RNLS: variants seen among roughly 807,000 people sequenced by gnomAD.
RNLS encodes the protein renalase, FAD dependent amine oxidase.
RNLS carries 39 observed loss-of-function variants against 39.8 expected under a neutral mutation model. That is an observed-to-expected ratio of 0.98 (90% CI 0.76 to 1.28). RNLS has a LOEUF of 1.28. Ranked by LOEUF, RNLS falls within the 50% of genes most tolerant of loss-of-function variation. The pLI, the probability that RNLS is intolerant of heterozygous loss-of-function variation, is 0.00. For missense variants in RNLS, 410 were observed against 413.3 expected, an observed-to-expected ratio of 0.99 and a Z score of 0.07; for synonymous variants, 147 against 150.7, an observed-to-expected ratio of 0.98 and a Z score of 0.18.
At chr10:88,263,475 C>A in the RNLS span, among the ~76,000 whole-genome samples, 1 of 152,160 alleles carries the variant, frequency 6.6e-6, no homozygotes, top group Non-Finnish European at 1.5e-5. Flanking sequence ...GATAATGAGG[C>A]TGTAGCTTCA....
At chr10:88,279,039 C>T (rs887172993) in intron 6 of RNLS, among the ~76,000 whole-genome samples, 4 of 152,120 alleles carry the variant, frequency 2.6e-5, no homozygotes, top group African/African-American at 9.7e-5. Context: ...AGTAAGTACA[C>T]ATGGGGTAAG....
chr10:88,572,863 C>T (rs1849925532), intron 4 of RNLS, 40 bp downstream of exon 4: 19 of 1,599,488 alleles, frequency 1.2e-5, no homozygotes, highest in Non-Finnish European at 1.6e-5. Flanking sequence ...CAAAAGAAAT[C>T]CCATTCCCTG....
chr10:88,513,442 T>C (rs1412478122), intron 4 of RNLS, among the ~76,000 whole-genome samples: 2 of 152,132 alleles, frequency 1.3e-5, no homozygotes, highest in African/African-American at 2.4e-5. Flanking sequence ...AAAGTTGAAA[T>C]AATTTTATAT....
rs528533386 is a variant in RNLS at position 88,323,042 on chromosome 10, C to T, written c.701-8401G>A. Among the ~76,000 whole-genome samples, 7 of 152,090 alleles carry T rather than the reference C, an allele frequency of 4.6e-5. No individual in the cohort carries two copies. In the South Asian group the frequency reaches 8.3e-4, roughly 18 times the overall value. ...CACTCAATCCCACTTACATTTGCCACAAAAAATACTATATCTAAAAATGCA... is the reference window on the plus strand; with the variant it reads ...CACTCAATCCCACTTACATTTGCCATAAAAAATACTATATCTAAAAATGCA... On this transcript the variant is annotated intron_variant, in intron 5 of 6. Coordinates refer to ENST00000331772, the MANE Select transcript of RNLS (RefSeq NM_001031709.3).
At chr10:88,450,028 T>C (rs1361202817) in intron 4 of RNLS, among the ~76,000 whole-genome samples, 1 of 149,954 alleles carries the variant, frequency 6.7e-6, no homozygotes, top group Non-Finnish European at 1.5e-5. Context: ...GAGCTGGGCC[T>C]TTTGGGAGGA....
the RNLS span, among the ~76,000 whole-genome samples, chr10:88,180,222 C>T: frequency 1.3e-5 from 2 of 152,166 alleles, no homozygotes; most frequent in Non-Finnish European, 2.9e-5. Flanking sequence ...TTATTTTTAG[C>T]TATCTGAAAT....
chr10:88,381,965 A>T (rs1435424068), intron 4 of RNLS, among the ~76,000 whole-genome samples: 2 of 152,134 alleles, frequency 1.3e-5, no homozygotes, highest in Admixed American at 1.3e-4. Context: ...ATAAAGTTTT[A>T]TTGGAACCAG....
At chr10:88,187,654 A>G in the RNLS span, among the ~76,000 whole-genome samples, 1 of 152,154 alleles carries the variant, frequency 6.6e-6, no homozygotes. Context: ...GTCTGGTGGG[A>G]TTGAGAAATA....
the RNLS span, among the ~76,000 whole-genome samples, chr10:88,196,615 T>C: frequency 6.6e-6 from 1 of 152,284 alleles, no homozygotes; most frequent in South Asian, 2.1e-4. Flanking sequence ...AGTTATCTGC[T>C]TCCCCTCAGC....
At chr10:88,224,104 C>G in the RNLS span, among the ~76,000 whole-genome samples, 5 of 151,548 alleles carry the variant, frequency 3.3e-5, no homozygotes, top group African/African-American at 1.2e-4. Context: ...GGGAGTCAGT[C>G]TGTTCAGGCT....
intron 6 of RNLS, among the ~76,000 whole-genome samples, chr10:88,286,724 T>C (rs1029126757): frequency 2.6e-5 from 4 of 151,868 alleles, no homozygotes; most frequent in Admixed American, 2.6e-4. Flanking sequence ...AGAAATGTAA[T>C]AAATTCTATT....
intron 4 of RNLS, among the ~76,000 whole-genome samples, chr10:88,468,070 T>G (rs1015602664): frequency 2.0e-5 from 3 of 152,156 alleles, no homozygotes; most frequent in Admixed American, 2.0e-4. Flanking sequence ...TGTTCCTTGA[T>G]CCGATTAGGA....
chr10:88,201,602 C>T, the RNLS span, among the ~76,000 whole-genome samples: 1 of 152,070 alleles, frequency 6.6e-6, no homozygotes. Context: ...ATGGATCCTC[C>T]AGTCCCAGGT....
intron 4 of RNLS, among the ~76,000 whole-genome samples, chr10:88,562,078 C>G (rs1849225860): frequency 2.2e-5 from 1 of 45,560 alleles, no homozygotes; most frequent in African/African-American, 2.4e-4. Flanking sequence ...CAGGCATTGT[C>G]AAACGTAAGA....
intron 4 of RNLS, among the ~76,000 whole-genome samples, chr10:88,421,708 CTACAGAAGGAAATACCAATT>C (rs1394225546): frequency 1.3e-5 from 2 of 152,144 alleles, no homozygotes; most frequent in Non-Finnish European, 2.9e-5. Context: ...GTCTTATTGG[CTACAGAAGGAAATACCAATT>C]TTATATCATG....
chr10:88,266,018 C>G, the RNLS span, among the ~76,000 whole-genome samples: 1 of 152,164 alleles, frequency 6.6e-6, no homozygotes, highest in Non-Finnish European at 1.5e-5. Flanking sequence ...TAGAAAATGT[C>G]ATAAGGATTG....
chr10:88,463,146 G>A (rs984345421), intron 4 of RNLS, among the ~76,000 whole-genome samples: 11 of 151,908 alleles, frequency 7.2e-5, no homozygotes, highest in Non-Finnish European at 1.0e-4. Context: ...CTAAGCCCCA[G>A]TACCTCATAA....
At chr10:88,381,880 G>GTGAT (rs1471733892) in intron 4 of RNLS, among the ~76,000 whole-genome samples, 7 of 133,532 alleles carry the variant, frequency 5.2e-5, no homozygotes, top group Admixed American at 3.2e-4. Context: ...AAATTTTTAA[G>GTGAT]TGATTGAAAA....
At chr10:88,530,734 G>A (rs1847375159) in intron 4 of RNLS, among the ~76,000 whole-genome samples, 1 of 152,010 alleles carries the variant, frequency 6.6e-6, no homozygotes, top group Admixed American at 6.6e-5. Flanking sequence ...CATAGTGACT[G>A]TATGTAAATG....
Sources: allele counts gnomAD v4.1 joint callset (sites outside exome capture counted in the v4.1 genomes callset), GRCh38; gene constraint gnomAD v4.1.1; transcripts MANE v1.5; gene names NCBI Gene and HGNC (gene_info 2026-07-23, HGNC 2026-07-21).